The following NRG2 variants were observed in gnomAD, a reference collection of about 807,000 sequenced individuals.
NRG2 encodes neuregulin 2.
Under a neutral mutation model 73.9 loss-of-function variants are expected in NRG2, and 27 were observed. That is an observed-to-expected ratio of 0.37 (90% CI 0.27 to 0.50). The LOEUF is 0.50. Ranked by LOEUF, NRG2 falls within the 20% of genes least tolerant of loss-of-function variation. NRG2 has a pLI of 0.96. For missense variants in NRG2, 1,126 were observed against 1,210.1 expected, an observed-to-expected ratio of 0.93 and a Z score of 1.03; for synonymous variants, 532 against 541.0, an observed-to-expected ratio of 0.98 and a Z score of 0.23.
At chr5:139,858,596 T>C (rs935200899) in intron 5 of NRG2, among the ~76,000 whole-genome samples, 1 of 152,158 alleles carries the variant, frequency 6.6e-6, no homozygotes, top group African/African-American at 2.4e-5. Flanking sequence ...TGAGTGAATA[T>C]ACAGACCAGC....
chr5:139,861,047 C>T (rs138461398), intron 5 of NRG2, among the ~76,000 whole-genome samples: 3 of 152,176 alleles, frequency 2.0e-5, no homozygotes, highest in African/African-American at 4.8e-5. Context: ...CAGCCAGCAT[C>T]GGTCTACAAG....
chr5:139,872,737 C>T (rs1762942939), intron 3 of NRG2, among the ~76,000 whole-genome samples: 1 of 152,196 alleles, frequency 6.6e-6, no homozygotes, highest in African/African-American at 2.4e-5. Context: ...TGACTGGACT[C>T]ATTTGAGAAA....
At chr5:139,849,851 TCTC>T (rs779859080) in intron 9 of NRG2, among the ~76,000 whole-genome samples, 11 of 152,304 alleles carry the variant, frequency 7.2e-5, no homozygotes, top group Admixed American at 6.5e-4. Context: ...CCCCAGGGTC[TCTC>T]CTCCTTCACT....
At chr5:139,903,955 C>A (rs113801656) in intron 1 of NRG2, among the ~76,000 whole-genome samples, 4 of 152,350 alleles carry the variant, frequency 2.6e-5, no homozygotes, top group South Asian at 4.1e-4. Context: ...CCGGGCCCAG[C>A]GTCTGATCAG....
chr5:139,873,755 C>G (rs111827552), intron 3 of NRG2, among the ~76,000 whole-genome samples: 1 of 152,256 alleles, frequency 6.6e-6, no homozygotes, highest in Non-Finnish European at 1.5e-5. Flanking sequence ...CCCATTGTTT[C>G]ACCCCAGTCG....
At chr5:139,967,320 A>G (rs1755605107) in intron 1 of NRG2, among the ~76,000 whole-genome samples, 1 of 152,196 alleles carries the variant, frequency 6.6e-6, no homozygotes. Context: ...TCTTGGGCAG[A>G]GGAATAGAAA....
chr5:140,039,697 A>G (rs1435677889), intron 1 of NRG2, among the ~76,000 whole-genome samples: 2 of 151,600 alleles, frequency 1.3e-5, no homozygotes, highest in Non-Finnish European at 2.9e-5. Flanking sequence ...CCCCCCTCCA[A>G]AAAAAAACCC....
chr5:140,025,957 T>C (rs1364025259), intron 1 of NRG2, among the ~76,000 whole-genome samples: 2 of 152,138 alleles, frequency 1.3e-5, no homozygotes, highest in African/African-American at 4.8e-5. Flanking sequence ...AATGAACTGC[T>C]ACAGAAACAC....
chr5:139,878,374 G>A (rs1438170265), intron 3 of NRG2, among the ~76,000 whole-genome samples: 2 of 152,250 alleles, frequency 1.3e-5, no homozygotes, highest in African/African-American at 4.8e-5. Context: ...TATGGACACA[G>A]AGACAAAGCC....
chr5:140,019,782 G>A (rs192159346), intron 1 of NRG2, among the ~76,000 whole-genome samples: 18 of 151,400 alleles, frequency 1.2e-4, no homozygotes, highest in African/African-American at 4.2e-4. Context: ...CTCAATAAAT[G>A]TGAGTGTCTC....
chr5:139,898,035 C>T (rs1383734093), intron 1 of NRG2, among the ~76,000 whole-genome samples: 1 of 152,230 alleles, frequency 6.6e-6, no homozygotes, highest in Non-Finnish European at 1.5e-5. Context: ...TGTGTTCGTT[C>T]AAGAATGGAT....
intron 5 of NRG2, chr5:139,859,941 A>G: frequency 1.2e-6 from 2 of 1,610,770 alleles, no homozygotes; most frequent in African/African-American, 1.3e-5. Flanking sequence ...GAGGGTCACA[A>G]AGGGAGGGGT....
intron 1 of NRG2, among the ~76,000 whole-genome samples, chr5:139,938,572 C>T (rs1753023207): frequency 6.6e-6 from 1 of 151,866 alleles, no homozygotes; most frequent in African/African-American, 2.4e-5. Context: ...CGCTGTGTTC[C>T]CAGGCTGGTC....
At chr5:140,031,642 G>T (rs1265742980) in intron 1 of NRG2, among the ~76,000 whole-genome samples, 2 of 152,110 alleles carry the variant, frequency 1.3e-5, no homozygotes, top group Non-Finnish European at 2.9e-5. Flanking sequence ...ATCCTGACTG[G>T]TAAATAAACC....
chr5:140,043,262 A>G lies in NRG2; in HGVS notation c.-193T>C, dbSNP rs543643938. The stretch of plus-strand genomic sequence containing the variant: ...CGCGATGCGCAGCGCGGCGCAGCGC[A>G]GCGCTCCCACCCTGTGCGCCAGGAC... On this transcript the variant is annotated 5_prime_UTR_variant, in exon 1 of 10. Coordinates refer to ENST00000361474, the MANE Select transcript of NRG2 (RefSeq NM_004883.3). The surrounding 1 kb of genome is among the most constrained non-coding windows in gnomAD (Gnocchi z 6.7). 3.2e-5 allele frequency: 19 copies of G among 598,726 alleles called. No individual in the cohort carries two copies. Among genetic ancestry groups the G allele is most frequent in the Admixed American group, 6.5e-5 (2 of 31,002 alleles). 37.1% of individuals were successfully genotyped at this position (598,726 alleles called of 1,614,324 possible). A position where few individuals can be genotyped will look rare whatever the true frequency, so the allele number is the denominator to read the frequency against.
chr5:139,972,339 A>G (rs1756033937), intron 1 of NRG2, among the ~76,000 whole-genome samples: 1 of 152,258 alleles, frequency 6.6e-6, no homozygotes, highest in South Asian at 2.1e-4. Context: ...CAGGAGGAAT[A>G]GAAGAGTCTT....
intron 4 of NRG2, among the ~76,000 whole-genome samples, chr5:139,867,645 GGAT>G (rs1762543988): frequency 6.6e-6 from 1 of 152,144 alleles, no homozygotes; most frequent in Admixed American, 6.5e-5. Context: ...TGGGAGTGGA[GGAT>G]GAAGACCCAG....
At position 139,865,133 on chromosome 5, in the gene NRG2, C is replaced by A. The variant is rs147378276; in HGVS notation, c.1189+416G>T. The A allele has an allele frequency of 6.2e-7, 1 of 1,613,606 alleles. No homozygotes were observed. The highest frequency in any genetic ancestry group is 8.5e-7 in the Non-Finnish European group (1 of 1,179,560). On this transcript the variant is annotated intron_variant, in intron 5 of 9. Coordinates refer to ENST00000361474, the MANE Select transcript of NRG2 (RefSeq NM_004883.3). The surrounding 1 kb of genome is among the most constrained non-coding windows in gnomAD (Gnocchi z 5.2). Reference sequence around the variant, plus strand: ...GACATACTGGAGAAGTTGACCATTGCGAACTGCTGACACCTGTCCCCGGTG... The same window carrying A: ...GACATACTGGAGAAGTTGACCATTGAGAACTGCTGACACCTGTCCCCGGTG...
rs1765126593 is a variant in NRG2, at chr5:139,904,783, C to T, written c.701-17272G>A. On this transcript the variant is annotated intron_variant, in intron 1 of 9. Coordinates refer to ENST00000361474, the MANE Select transcript of NRG2 (RefSeq NM_004883.3). This position sits in a 1 kb window ranked among gnomAD's most constrained non-coding sequence, Gnocchi z 6.0. Reference sequence around the variant, plus strand: ...CCCCCAGCGAGGGCCAGGCTAAGGACAGCATGGGGGTGGGGAGACAGCGAG... The same window carrying T: ...CCCCCAGCGAGGGCCAGGCTAAGGATAGCATGGGGGTGGGGAGACAGCGAG... Among the ~76,000 whole-genome samples the T allele has an allele frequency of 6.6e-6, 1 of 152,166 alleles. No individual in the cohort carries two copies. Among genetic ancestry groups the T allele is most frequent in the South Asian group, 2.1e-4 (1 of 4,836 alleles).
Sources: gnomAD v4.1 joint callset for allele counts (sites outside exome capture counted in the v4.1 genomes callset) on GRCh38, gnomAD v4.1.1 for gene constraint, Gnocchi (gnomAD v3.1) non-coding constraint, MANE v1.5 for transcripts, NCBI Gene and HGNC (gene_info 2026-07-23, HGNC 2026-07-21) for gene names.